SMARCA2: variants seen among roughly 807,000 people sequenced by gnomAD.
The protein encoded by SMARCA2 is SWI/SNF-related matrix-associated actin-dependent regulator of chromatin subfamily A member 2.
Under a neutral mutation model 199.8 loss-of-function variants are expected in SMARCA2, and 61 were observed. The ratio of observed to expected loss-of-function variants is 0.31; its 90% confidence interval spans 0.25 to 0.38. SMARCA2 has a LOEUF of 0.38. SMARCA2 is among the 10% of genes least tolerant of loss of function. The pLI, the probability that SMARCA2 is intolerant of heterozygous loss-of-function variation, is 1.00. For missense variants in SMARCA2, 1,344 were observed against 2,012.2 expected (o/e 0.67, Z 6.35); for synonymous variants, 935 against 732.0 (o/e 1.28, Z -4.48).
intron 27 of SMARCA2, among the ~76,000 whole-genome samples, chr9:2,137,431 G>T (rs939577442): frequency 1.3e-5 from 2 of 152,078 alleles, no homozygotes; most frequent in Admixed American, 1.3e-4. Flanking sequence ...CCACCTCCTT[G>T]CCTTCATCTC....
intron 27 of SMARCA2, among the ~76,000 whole-genome samples, chr9:2,153,048 G>A (rs1469183274): frequency 6.6e-6 from 1 of 151,822 alleles, no homozygotes; most frequent in Non-Finnish European, 1.5e-5. Context: ...AGTGATAATG[G>A]CAAAAACAAA....
chr9:2,153,386 C>A (rs1590410), intron 27 of SMARCA2, among the ~76,000 whole-genome samples: 108,837 of 151,780 alleles, frequency 0.72, 39,752 homozygotes, highest in Middle Eastern at 0.84. Context: ...AAAAGAAAAT[C>A]GCCAGGCATG....
At chr9:2,120,878 A>G (rs1274496578) in intron 26 of SMARCA2, among the ~76,000 whole-genome samples, 1 of 152,182 alleles carries the variant, frequency 6.6e-6, no homozygotes, top group Non-Finnish European at 1.5e-5. Context: ...TAAATTCTAG[A>G]TTTCTTAACT....
chr9:2,060,672 G>C (rs1820548712), intron 8 of SMARCA2, 144 bp from the exon 9 acceptor site: 2 of 645,214 alleles, frequency 3.1e-6, no homozygotes, highest in South Asian at 3.7e-5. Flanking sequence ...CAGACTCTGT[G>C]CAATGGCTTG....
rs1822944239 is a variant in SMARCA2, at chr9:2,110,387, C to T, written c.3426C>T (p.Val1142=). ...ATCTTCAGGCAGCTGATACAGTGGT[C>T]ATCTTTGACAGCGACTGGAATCCTC... ...GLNLQAADTV[V]IFDSDWNPHQ... Residue 1142 remains valine (V), a synonymous_variant, in exon 24 of 34, where the codon GTC becomes GTT. Coordinates refer to ENST00000349721, the MANE Select transcript of SMARCA2 (RefSeq NM_003070.5). The surrounding 1 kb of genome is among the most constrained non-coding windows in gnomAD (Gnocchi z 4.8). The T allele has an allele frequency of 6.2e-7, 1 of 1,612,746 alleles. No homozygotes were observed. The highest frequency in any genetic ancestry group is 8.5e-7 in the Non-Finnish European group (1 of 1,179,486).
intron 19 of SMARCA2, among the ~76,000 whole-genome samples, chr9:2,093,801 G>T: frequency 6.6e-6 from 1 of 152,278 alleles, no homozygotes; most frequent in South Asian, 2.1e-4. Flanking sequence ...CATCAAATTG[G>T]CAGCTTTAAA....
In SMARCA2 at chr9:2,173,769, A is replaced by G. The variant is rs1826387036; in HGVS notation, c.4253+3297A>G. On this transcript the variant is annotated intron_variant, in intron 29 of 33. Coordinates refer to ENST00000349721, the MANE Select transcript of SMARCA2 (RefSeq NM_003070.5). ...GTCTTGCTGTAAAGTCAGCTGTTTA[A>G]CTGCTTAACCCAGCATCTCCCAAAC... Among the ~76,000 whole-genome samples the G allele has an allele frequency of 2.6e-5, 4 of 152,280 alleles. No individual in the cohort carries two copies. The South Asian group carries it at 8.3e-4, about 32-fold the overall frequency.
intron 27 of SMARCA2, among the ~76,000 whole-genome samples, chr9:2,142,361 T>C (rs1056615505): frequency 1.3e-5 from 2 of 152,226 alleles, no homozygotes; most frequent in African/African-American, 4.8e-5. Context: ...ATATTGGTTG[T>C]TTCAAAGTTA....
chr9:2,105,836 G>C (rs557138423), intron 23 of SMARCA2, among the ~76,000 whole-genome samples: 1 of 152,158 alleles, frequency 6.6e-6, no homozygotes, highest in Non-Finnish European at 1.5e-5. Context: ...GGCGTCCTGC[G>C]TAACTATCAC....
intron 27 of SMARCA2, among the ~76,000 whole-genome samples, chr9:2,155,324 C>A (rs527877969): frequency 6.6e-6 from 1 of 151,864 alleles, no homozygotes; most frequent in Non-Finnish European, 1.5e-5. Context: ...GCTCTGTTGC[C>A]CAGGCTGGAG....
At chr9:2,061,795 G>C (rs7021747) in intron 9 of SMARCA2, among the ~76,000 whole-genome samples, 27,792 of 152,138 alleles carry the variant, frequency 0.18, 4,021 homozygotes, top group African/African-American at 0.41. Flanking sequence ...TACTGAATAA[G>C]TGAACAAAAT....
At chr9:2,060,118 C>CAAAAAAAAAAAAAAAAAAAAAAA (rs372329238) in intron 8 of SMARCA2, among the ~76,000 whole-genome samples, 1 of 62,416 alleles carries the variant, frequency 1.6e-5, no homozygotes, top group African/African-American at 4.4e-5. Context: ...GATCTGTGGC[C>CAAAAAAAAAAAAAAAAAAAAAAA]AAAAAAAAAA....
intron 2 of SMARCA2, among the ~76,000 whole-genome samples, chr9:2,029,707 A>G (rs1429617625): frequency 6.6e-6 from 1 of 152,254 alleles, no homozygotes; most frequent in Non-Finnish European, 1.5e-5. Context: ...TTTTTTGGAA[A>G]GGGCTTTATT....
At chr9:2,160,944 C>CAGGT (rs1825640607) in intron 27 of SMARCA2, 1 of 252,052 alleles carries the variant, frequency 4.0e-6, no homozygotes, top group Non-Finnish European at 7.5e-6. Flanking sequence ...CCTTTATGAA[C>CAGGT]AGGTTTCTTT....
chr9:2,109,098 A>G (rs976759560), intron 23 of SMARCA2, among the ~76,000 whole-genome samples: 8 of 152,226 alleles, frequency 5.3e-5, no homozygotes, highest in Non-Finnish European at 1.0e-4. Context: ...CTTGGCCCTC[A>G]TAGTAACTTG....
At chr9:2,080,541 C>T (rs1457133003) in intron 14 of SMARCA2, among the ~76,000 whole-genome samples, 1 of 152,178 alleles carries the variant, frequency 6.6e-6, no homozygotes, top group Admixed American at 6.5e-5. Context: ...GGTCACGTTG[C>T]AGGCTGACAG....
intron 25 of SMARCA2, among the ~76,000 whole-genome samples, chr9:2,117,196 T>G (rs953200027): frequency 6.0e-4 from 91 of 152,228 alleles, no homozygotes; most frequent in Non-Finnish European, 9.1e-4. Context: ...GTATATTTTT[T>G]TTTTCTAAAA....
intron 16 of SMARCA2, among the ~76,000 whole-genome samples, chr9:2,083,864 C>T (rs575105964): frequency 7.9e-5 from 12 of 152,294 alleles, no homozygotes; most frequent in African/African-American, 2.6e-4. Context: ...CCTTTGCCCT[C>T]CCACTGTCTT....
chr9:2,160,215 T>C (rs1825592339), intron 27 of SMARCA2: 2 of 379,426 alleles, frequency 5.3e-6, no homozygotes, highest in East Asian at 4.3e-5. Context: ...GTGAAGCTTT[T>C]TTTTTTTTTT....
Sources: allele counts gnomAD v4.1 joint callset (sites outside exome capture counted in the v4.1 genomes callset), GRCh38; gene constraint gnomAD v4.1.1; non-coding constraint Gnocchi (gnomAD v3.1); transcripts MANE v1.5; gene names NCBI Gene and HGNC (gene_info 2026-07-23, HGNC 2026-07-21).